CNBD1: variants seen among roughly 807,000 people sequenced by gnomAD.
The protein encoded by CNBD1 is cyclic nucleotide binding domain containing 1, also known as cyclic nucleotide-binding domain-containing protein 1.
In CNBD1, 71 loss-of-function variants were observed where a neutral mutation model predicts 54.4. The observed-to-expected ratio is 1.30, with a 90% CI of 1.08 to 1.59. The LOEUF (loss-of-function observed/expected upper bound fraction) is 1.59, where lower values mean the gene tolerates loss of function less well. Among genes scored for constraint, CNBD1 ranks in the 40% most tolerant of loss-of-function variants. The probability of loss-of-function intolerance (pLI) is 0.00; values close to 1 mark genes in which losing one functional copy is unlikely to be tolerated. For missense variants in CNBD1, 659 were observed against 518.0 expected (o/e 1.27, Z -2.64); for synonymous variants, 182 against 170.7 (o/e 1.07, Z -0.51).
intron 2 of CNBD1, among the ~76,000 whole-genome samples, chr8:87,424,741 G>A (rs912644878): frequency 1.3e-5 from 2 of 152,062 alleles, no homozygotes; most frequent in African/African-American, 4.8e-5. Flanking sequence ...TTTCTCTCTG[G>A]CTGCCCTTAA....
downstream of CNBD1, among the ~76,000 whole-genome samples, chr8:87,386,607 T>A (rs1811195768): frequency 1.3e-5 from 2 of 151,960 alleles, no homozygotes; most frequent in South Asian, 2.1e-4. Flanking sequence ...TGGGACTATG[T>A]GAAAAGAACA....
intron 4 of CNBD1, among the ~76,000 whole-genome samples, chr8:87,067,794 C>T (rs1019608174): frequency 1.3e-5 from 2 of 151,752 alleles, no homozygotes; most frequent in African/African-American, 2.4e-5. Flanking sequence ...TCTCCATTAA[C>T]GTATTATTTC....
intron 4 of CNBD1, among the ~76,000 whole-genome samples, chr8:86,994,189 A>G (rs780442210): frequency 6.6e-6 from 1 of 152,192 alleles, no homozygotes; most frequent in Non-Finnish European, 1.5e-5. Flanking sequence ...GGGCAATGGG[A>G]TCAGGCCATA....
chr8:87,261,097 T>C (rs1020973962), intron 6 of CNBD1, among the ~76,000 whole-genome samples: 1 of 152,140 alleles, frequency 6.6e-6, no homozygotes. Flanking sequence ...AAGAGACCTC[T>C]AACTAAATTC....
intron 4 of CNBD1, among the ~76,000 whole-genome samples, chr8:86,966,365 T>G (rs551633047): frequency 2.0e-5 from 3 of 152,334 alleles, no homozygotes; most frequent in Admixed American, 6.5e-5. Flanking sequence ...GGTCGGTTCT[T>G]GGTCTCACTG....
intron 4 of CNBD1, among the ~76,000 whole-genome samples, chr8:87,094,862 A>T (rs1045239358): frequency 3.3e-5 from 5 of 152,160 alleles, no homozygotes; most frequent in African/African-American, 1.2e-4. Flanking sequence ...ACATGGTGAA[A>T]CCCTGTCTCT....
Position 87,182,066 on chromosome 8 carries a change from T to C in CNBD1, c.432-23927T>C, listed in dbSNP as rs1184579785. 6.6e-6 allele frequency among the ~76,000 whole-genome samples: 1 copy of C among 152,062 alleles called. No individual in the cohort carries two copies. Among genetic ancestry groups the C allele is most frequent in the Non-Finnish European group, 1.5e-5 (1 of 67,968 alleles). On this transcript the variant is annotated intron_variant, in intron 4 of 10. Coordinates refer to ENST00000518476, the MANE Select transcript of CNBD1 (RefSeq NM_173538.3). The surrounding 1 kb of genome is among the most constrained non-coding windows in gnomAD (Gnocchi z 4.1). ...TGCTCCTAACATCTCACTTGAAGTATGCCCCAGTGTCTACTTTTCCCATCT... is the reference window on the plus strand; with the variant it reads ...TGCTCCTAACATCTCACTTGAAGTACGCCCCAGTGTCTACTTTTCCCATCT...
At chr8:86,884,020 C>T (rs532055557) in intron 1 of CNBD1, among the ~76,000 whole-genome samples, 7 of 151,264 alleles carry the variant, frequency 4.6e-5, no homozygotes, top group Admixed American at 2.0e-4. Context: ...GGCGTAGTGG[C>T]GGGCGCCTGT....
intron 3 of CNBD1, among the ~76,000 whole-genome samples, chr8:86,919,036 A>ATT (rs1809231741): frequency 4.6e-5 from 7 of 151,904 alleles, no homozygotes; most frequent in African/African-American, 1.7e-4. Context: ...TTTTTAAAAA[A>ATT]AAAGAGAAAG....
chr8:87,081,670 A>AT (rs923505672), intron 4 of CNBD1, among the ~76,000 whole-genome samples: 12 of 151,242 alleles, frequency 7.9e-5, no homozygotes, highest in African/African-American at 2.9e-4. Context: ...CACCCAGCTA[A>AT]TTTTTTTTCA....
At chr8:87,047,567 C>T (rs1810221842) in intron 4 of CNBD1, among the ~76,000 whole-genome samples, 1 of 152,210 alleles carries the variant, frequency 6.6e-6, no homozygotes, top group South Asian at 2.1e-4. Flanking sequence ...ACTGCCATCC[C>T]TGCAATGAAG....
intron 6 of CNBD1, among the ~76,000 whole-genome samples, chr8:87,256,009 ATATATATTTTTT>A (rs1261501736): frequency 5.1e-5 from 1 of 19,656 alleles, no homozygotes; most frequent in African/African-American, 2.8e-4. Flanking sequence ...ATATATATAT[ATATATATTTTTT>A]TTTTTTTTTT....
At chr8:86,957,041 G>C (rs148779930) in intron 4 of CNBD1, among the ~76,000 whole-genome samples, 17,652 of 152,094 alleles carry the variant, frequency 0.12, 1,224 homozygotes, top group African/African-American at 0.19. Flanking sequence ...TAGCATGAAG[G>C]GCTGTTGAAT....
chr8:87,066,527 T>C (rs1257633823), intron 4 of CNBD1, among the ~76,000 whole-genome samples: 1 of 152,078 alleles, frequency 6.6e-6, no homozygotes, highest in East Asian at 1.9e-4. Context: ...GAGATTTGGA[T>C]ATTCTAAAAC....
At chr8:87,134,245 C>A (rs1286834926) in intron 4 of CNBD1, among the ~76,000 whole-genome samples, 3 of 151,912 alleles carry the variant, frequency 2.0e-5, no homozygotes, top group Non-Finnish European at 4.4e-5. Flanking sequence ...TTCATCAATG[C>A]ACAATAGTTA....
chr8:86,958,521 G>A (rs928242342), intron 4 of CNBD1, among the ~76,000 whole-genome samples: 2 of 152,192 alleles, frequency 1.3e-5, no homozygotes, highest in Non-Finnish European at 1.5e-5. Context: ...CCTGTATTGG[G>A]TGCATATATA....
intron 4 of CNBD1, among the ~76,000 whole-genome samples, chr8:87,117,035 A>C (rs1470775506): frequency 6.6e-6 from 1 of 152,224 alleles, no homozygotes; most frequent in African/African-American, 2.4e-5. Context: ...TGTATGGCAC[A>C]TAAACATCAC....
At chr8:86,960,340 C>T (rs537547013) in intron 4 of CNBD1, among the ~76,000 whole-genome samples, 10 of 152,248 alleles carry the variant, frequency 6.6e-5, no homozygotes, top group South Asian at 2.1e-4. Flanking sequence ...GATTATATCC[C>T]GCTCCTGGCT....
At chr8:87,325,745 G>T (rs1301200168) in intron 8 of CNBD1, among the ~76,000 whole-genome samples, 1 of 145,562 alleles carries the variant, frequency 6.9e-6, no homozygotes, top group Admixed American at 6.8e-5. Flanking sequence ...GATGGGTCTT[G>T]ACTCTTTATC....
Sources: allele counts gnomAD v4.1 joint callset (sites outside exome capture counted in the v4.1 genomes callset), GRCh38; gene constraint gnomAD v4.1.1; non-coding constraint Gnocchi (gnomAD v3.1); transcripts MANE v1.5; gene names NCBI Gene and HGNC (gene_info 2026-07-23, HGNC 2026-07-21).